The following SCN2A variants were observed in gnomAD, a reference collection of about 807,000 sequenced individuals.
SCN2A encodes the protein sodium voltage-gated channel alpha subunit 2, also known as sodium channel protein type 2 subunit alpha.
A neutral mutation model predicts 188.7 loss-of-function variants in SCN2A; 20 were observed. The ratio of observed to expected loss-of-function variants is 0.11; its 90% CI spans 0.07 to 0.15. The LOEUF (loss-of-function observed/expected upper bound fraction) is 0.15. Among genes scored for constraint, SCN2A ranks in the 10% least tolerant of loss-of-function variants. The pLI is 1.00. For missense variants in SCN2A, 1,278 were observed against 2,445.0 expected (o/e 0.52, Z 10.07); for synonymous variants, 804 against 833.1 (o/e 0.97, Z 0.60).
At chr2:165,254,531 A>G (rs2106074222) in intron 1 of SCN2A, among the ~76,000 whole-genome samples, 1 of 151,778 alleles carries the variant, frequency 6.6e-6, no homozygotes, top group South Asian at 2.1e-4. Context: ...GATAATATCA[A>G]TATTTATTTG....
chr2:165,286,866 C>T (rs1350752560), intron 1 of SCN2A, among the ~76,000 whole-genome samples: 1 of 152,120 alleles, frequency 6.6e-6, no homozygotes, highest in East Asian at 1.9e-4. Context: ...CCAATTCTTT[C>T]ATCTAACAAC....
At chr2:165,349,712 T>C (rs1699789248) in intron 16 of SCN2A, among the ~76,000 whole-genome samples, 1 of 152,170 alleles carries the variant, frequency 6.6e-6, no homozygotes, top group African/African-American at 2.4e-5. Flanking sequence ...TGACTATCAG[T>C]TAAAATAACT....
chr2:165,335,911 A>G (rs927119678), intron 14 of SCN2A, among the ~76,000 whole-genome samples: 2 of 151,928 alleles, frequency 1.3e-5, no homozygotes, highest in Non-Finnish European at 1.5e-5. Context: ...AATAAAATAG[A>G]TAACTCACTA....
intron 16 of SCN2A, among the ~76,000 whole-genome samples, chr2:165,347,140 C>A (rs1429133048): frequency 6.6e-6 from 1 of 152,124 alleles, no homozygotes; most frequent in Non-Finnish European, 1.5e-5. Flanking sequence ...GATGCATGCA[C>A]ACGTATGCTT....
chr2:165,240,709 C>T (rs1046555129), intron 1 of SCN2A, among the ~76,000 whole-genome samples: 5 of 80,088 alleles, frequency 6.2e-5, no homozygotes, highest in Non-Finnish European at 1.1e-4. Flanking sequence ...GTGGAGGTGG[C>T]AGGCGGTGGA....
intron 15 of SCN2A, among the ~76,000 whole-genome samples, chr2:165,344,219 T>A (rs1284895029): frequency 1.3e-5 from 2 of 152,156 alleles, no homozygotes; most frequent in East Asian, 3.8e-4. Flanking sequence ...TTTAATTATT[T>A]CATTTACAGT....
At chr2:165,291,575 T>TCCTTCCTTTCTCTCTC (rs1460696524) in intron 1 of SCN2A, among the ~76,000 whole-genome samples, 3 of 70,584 alleles carry the variant, frequency 4.3e-5, no homozygotes, top group African/African-American at 1.4e-4. Context: ...CTTCCTTCCT[T>TCCTTCCTTTCTCTCTC]TCTCTCTCTC....
chr2:165,312,164 C>G, intron 8 of SCN2A, 76 bp downstream of exon 8: 1 of 1,024,224 alleles, frequency 9.8e-7, no homozygotes. Context: ...CCCACTCATC[C>G]AGTCCCACTC....
rs1559383551 is a variant in SCN2A at position 165,354,188 on chromosome 2, T to G, written c.2920-4T>G. 1.9e-6 allele frequency: 3 copies of G among 1,613,626 alleles called. No homozygotes were observed. The highest frequency in any genetic ancestry group is 2.5e-6 in the Non-Finnish European group (3 of 1,179,988). On this transcript the variant is annotated splice_region_variant and splice_polypyrimidine_tract_variant and intron_variant, in intron 16 of 26. Coordinates refer to ENST00000375437, the MANE Select transcript of SCN2A (RefSeq NM_001040142.2). ...GATCACCTGTTTTTCCTGCTGTGTT[T>G]CAGGTTCTGAACCTCTTCTTGGCCT...
At chr2:165,341,252 C>T (rs1325293219) in intron 14 of SCN2A, among the ~76,000 whole-genome samples, 1 of 152,134 alleles carries the variant, frequency 6.6e-6, no homozygotes, top group Non-Finnish European at 1.5e-5. Context: ...CGCCACCGCG[C>T]CCGGCTAATT....
chr2:165,317,586 A>G (rs1697829524), intron 11 of SCN2A, among the ~76,000 whole-genome samples: 1 of 152,108 alleles, frequency 6.6e-6, no homozygotes, highest in Non-Finnish European at 1.5e-5. Flanking sequence ...CTTATTTCTA[A>G]TTGAATAAAA....
intron 14 of SCN2A, 77 bp from the exon 15 acceptor site, chr2:165,342,219 G>A: frequency 7.5e-7 from 1 of 1,333,942 alleles, no homozygotes; most frequent in Non-Finnish European, 1.1e-6. Context: ...TATTTGTTGG[G>A]AGTAAATTAA....
chr2:165,339,557 CATA>C lies in SCN2A; in HGVS notation c.2389-2735_2389-2733del, dbSNP rs201954607. ...ACGCGATATTAAATATTTTATTTACCATAATATCAAAAAACACGAAGAATATAG... is the reference window on the plus strand; with the variant it reads ...ACGCGATATTAAATATTTTATTTACCATATCAAAAAACACGAAGAATATAG... On this transcript the variant is annotated intron_variant, in intron 14 of 26. Transcript: ENST00000375437. Among the ~76,000 whole-genome samples the C allele has an allele frequency of 6.1e-4, 93 of 151,600 alleles. No individual in the cohort carries two copies. In the East Asian group the frequency reaches 0.017, roughly 28 times the overall value.
At chr2:165,348,977 A>C (rs1699748649) in intron 16 of SCN2A, among the ~76,000 whole-genome samples, 1 of 152,220 alleles carries the variant, frequency 6.6e-6, no homozygotes, top group African/African-American at 2.4e-5. Context: ...GCCATATTGT[A>C]TTCATTAGAA....
At chr2:165,351,974 C>T (rs1413013449) in intron 16 of SCN2A, among the ~76,000 whole-genome samples, 2 of 151,118 alleles carry the variant, frequency 1.3e-5, no homozygotes, top group Non-Finnish European at 2.9e-5. Context: ...ATAAATGTCA[C>T]AGTAAATGAC....
chr2:165,241,135 C>CGTGTGTGTGT (rs142870700), intron 1 of SCN2A: 1 of 138,270 alleles, frequency 7.2e-6, no homozygotes, highest in Non-Finnish European at 1.6e-5. Context: ...ATTCACTGTG[C>CGTGTGTGTGT]GTGTGTGTGT....
At chr2:165,239,810 TCTGA>T (rs1211366591) in intron 1 of SCN2A, among the ~76,000 whole-genome samples, 170 bp downstream of exon 1, 1 of 152,200 alleles carries the variant, frequency 6.6e-6, no homozygotes, top group Non-Finnish European at 1.5e-5. Flanking sequence ...TGAAATGAGC[TCTGA>T]CTATGACATA....
intron 12 of SCN2A, among the ~76,000 whole-genome samples, chr2:165,324,397 G>A (rs1040871280): frequency 5.3e-5 from 8 of 151,924 alleles, no homozygotes; most frequent in East Asian, 3.9e-4. Flanking sequence ...AAAATGATAC[G>A]GAGTTCGTTT....
chr2:165,339,063 T>C (rs150115287), intron 14 of SCN2A, among the ~76,000 whole-genome samples: 11 of 151,790 alleles, frequency 7.2e-5, no homozygotes, highest in African/African-American at 2.7e-4. Context: ...GTACTAAAAA[T>C]AGAAAAAATT....
Sources: gnomAD v4.1 joint callset for allele counts (sites outside exome capture counted in the v4.1 genomes callset) on GRCh38, gnomAD v4.1.1 for gene constraint, MANE v1.5 for transcripts, NCBI Gene and HGNC (gene_info 2026-07-23, HGNC 2026-07-21) for gene names.